Variants in SNX16 observed in about 807,000 individuals in gnomAD.
The protein encoded by SNX16 is sorting nexin-16.
Under a neutral mutation model 36.7 loss-of-function variants are expected in SNX16, and 35 were observed. The ratio of observed to expected loss-of-function variants is 0.95; its 90% confidence interval spans 0.73 to 1.27. SNX16 has a LOEUF of 1.27. Ranked by LOEUF, SNX16 falls within the 50% of genes most tolerant of loss-of-function variation. SNX16 has a pLI of 0.00. For synonymous variants in SNX16, 134 were observed against 132.0 expected, an observed-to-expected ratio of 1.02 and a Z score of -0.10; for missense variants, 367 against 393.6, an observed-to-expected ratio of 0.93 and a Z score of 0.57.
At position 81,802,446 on chromosome 8, in the gene SNX16, T is replaced by C. The variant is rs776708839; in HGVS notation, c.872A>G (p.Glu291Gly). The C allele has an allele frequency of 5.6e-6, 9 of 1,610,566 alleles. No homozygotes were observed. The Admixed American group carries it at 1.3e-4, about 24-fold the overall frequency. The change falls in exon 7 of 8, where the codon GAA (glutamate) becomes GGA (glycine). Residue 291 changes from glutamate to glycine, a missense_variant. Transcript: ENST00000345957. ...ESLDVSETEG[E>G]QILKVESSAL... ...AGAGGACTCCACCTTTAGGATCTGT[T>C]CACCTTCTGTTTCTGACACATCCAG...
chr8:81,831,527 G>A (rs1385328529), intron 2 of SNX16, among the ~76,000 whole-genome samples: 6 of 151,488 alleles, frequency 4.0e-5, no homozygotes, highest in South Asian at 2.1e-4. Context: ...GTGAAACCCC[G>A]CCTCTACTAA....
chr8:81,837,900 C>A (rs1811561837), intron 2 of SNX16, among the ~76,000 whole-genome samples: 1 of 152,144 alleles, frequency 6.6e-6, no homozygotes, highest in Non-Finnish European at 1.5e-5. Context: ...TTAAAGACTG[C>A]CTCTTCATAA....
Position 81,803,196 on chromosome 8 carries a change from G to A in SNX16, c.714C>T (p.Tyr238=), listed in dbSNP as rs1809784781. ...AFCETLEETN[Y]RLQKELLEKQ... ...TTTCAAGTAGTTCTTTCTGTAAGCG[G>A]TAGTTTGTCTCTTCTAAAGTTTCAC... Residue 238 remains tyrosine (Y), a synonymous_variant, in exon 6 of 8, where the codon TAC becomes TAT. Transcript: ENST00000345957. The A allele has an allele frequency of 6.2e-7, 1 of 1,610,024 alleles. No homozygotes were observed. The highest frequency in any genetic ancestry group is 8.5e-7 in the Non-Finnish European group (1 of 1,178,236).
chr8:81,828,831 A>G (rs1253203980), intron 3 of SNX16, among the ~76,000 whole-genome samples: 1 of 152,174 alleles, frequency 6.6e-6, no homozygotes, highest in Admixed American at 6.5e-5. Context: ...AGGACTGGAG[A>G]GTAGTCTCTA....
intron 3 of SNX16, among the ~76,000 whole-genome samples, chr8:81,826,434 G>A (rs1033685386): frequency 2.6e-5 from 4 of 152,062 alleles, no homozygotes; most frequent in African/African-American, 7.2e-5. Context: ...TCACAGAAAT[G>A]TTCAGCTTTG....
At chr8:81,822,947 C>CGTAT (rs1290245924) in intron 4 of SNX16, among the ~76,000 whole-genome samples, 7 of 52,316 alleles carry the variant, frequency 1.3e-4, no homozygotes, top group African/African-American at 4.0e-4. Context: ...TATACATATA[C>CGTAT]ATATATATAT....
intron 2 of SNX16, among the ~76,000 whole-genome samples, chr8:81,838,748 A>T (rs1031483597): frequency 2.0e-5 from 3 of 152,060 alleles, no homozygotes; most frequent in Non-Finnish European, 4.4e-5. Flanking sequence ...GCTAGCCATT[A>T]AAAAAAGTAA....
intron 1 of SNX16, chr8:81,840,381 G>A (rs1214325397): frequency 6.1e-6 from 1 of 165,142 alleles, no homozygotes; most frequent in Non-Finnish European, 1.3e-5. Flanking sequence ...GTAAAAGTTG[G>A]TAGGAGAAAG....
At chr8:81,819,239 A>G (rs1002008134) in intron 4 of SNX16, among the ~76,000 whole-genome samples, 16 of 152,106 alleles carry the variant, frequency 1.1e-4, no homozygotes, top group African/African-American at 3.9e-4. Context: ...GGAGAATGGT[A>G]AAGTATTTGC....
At chr8:81,803,299 T>C in intron 5 of SNX16, 71 bp from the exon 6 acceptor site, 1 of 1,423,522 alleles carries the variant, frequency 7.0e-7, no homozygotes, top group South Asian at 1.4e-5. Context: ...ATGCAGTATC[T>C]TTCTCAAGAG....
At chr8:81,839,225 A>C (rs1051200118) in intron 2 of SNX16, among the ~76,000 whole-genome samples, 3 of 152,172 alleles carry the variant, frequency 2.0e-5, no homozygotes, top group Non-Finnish European at 4.4e-5. Flanking sequence ...TGGCAAGGCT[A>C]AAGAAAAGAG....
chr8:81,836,104 G>A (rs916359090), intron 2 of SNX16, among the ~76,000 whole-genome samples: 4 of 152,138 alleles, frequency 2.6e-5, no homozygotes, highest in Non-Finnish European at 5.9e-5. Context: ...CCATATCAGT[G>A]AGCAAGAAAT....
At chr8:81,836,828 T>C (rs965150774) in intron 2 of SNX16, among the ~76,000 whole-genome samples, 2 of 152,224 alleles carry the variant, frequency 1.3e-5, no homozygotes, top group Non-Finnish European at 2.9e-5. Flanking sequence ...ACTCTTCTTT[T>C]AAAAACCTTT....
At position 81,810,818 on chromosome 8, in the gene SNX16, G is replaced by A. The variant is rs1213010878; in HGVS notation, c.681+4507C>T. Among the ~76,000 whole-genome samples, 10 of 152,044 alleles carry A rather than the reference G, an allele frequency of 6.6e-5. No homozygotes were observed. The South Asian group carries it at 8.3e-4, about 13-fold the overall frequency. On this transcript the variant is annotated intron_variant, in intron 5 of 7. Coordinates refer to ENST00000345957, the MANE Select transcript of SNX16 (RefSeq NM_152836.3). ...GCTGCTAAATATTTTCAATGCACAC[G>A]TCAGGCTGTGCTCTAGCCTCGGCCA...
At chr8:81,835,938 T>C (rs1282019159) in intron 2 of SNX16, among the ~76,000 whole-genome samples, 1 of 152,184 alleles carries the variant, frequency 6.6e-6, no homozygotes, top group Admixed American at 6.5e-5. Context: ...GCCCCAATGA[T>C]TGCCCCTTGT....
intron 4 of SNX16, among the ~76,000 whole-genome samples, chr8:81,821,781 A>C (rs186350936): frequency 4.6e-5 from 7 of 152,200 alleles, no homozygotes; most frequent in Non-Finnish European, 1.0e-4. Context: ...TTGAGAACCA[A>C]CTATGTTAGT....
At chr8:81,818,734 C>T (rs1810602951) in intron 4 of SNX16, among the ~76,000 whole-genome samples, 2 of 151,972 alleles carry the variant, frequency 1.3e-5, no homozygotes, top group Non-Finnish European at 2.9e-5. Flanking sequence ...GTTATTAGAC[C>T]AGCCAGTATC....
intron 5 of SNX16, among the ~76,000 whole-genome samples, chr8:81,803,793 G>A (rs1440668317): frequency 6.6e-6 from 1 of 151,494 alleles, no homozygotes; most frequent in Non-Finnish European, 1.5e-5. Context: ...ACCCTAAAGA[G>A]CCTATTAATA....
intron 5 of SNX16, among the ~76,000 whole-genome samples, chr8:81,812,734 T>C (rs1277072080): frequency 6.6e-6 from 1 of 152,064 alleles, no homozygotes; most frequent in African/African-American, 2.4e-5. Context: ...ACACGTGGAT[T>C]AAATAAAATA....
Sources: gnomAD v4.1 joint callset for allele counts (sites outside exome capture counted in the v4.1 genomes callset) on GRCh38, gnomAD v4.1.1 for gene constraint, MANE v1.5 for transcripts, NCBI Gene and HGNC (gene_info 2026-07-23, HGNC 2026-07-21) for gene names.